The following TYW1 variants were observed in gnomAD, a reference collection of about 807,000 sequenced individuals.
TYW1 encodes tRNA-yW synthesizing protein 1 homolog.
A neutral mutation model predicts 96.2 loss-of-function variants in TYW1; 46 were observed. That is an observed-to-expected ratio of 0.48 (90% CI 0.38 to 0.61). The LOEUF (loss-of-function observed/expected upper bound fraction) is 0.61, where lower values mean the gene tolerates loss of function less well. Ranked by LOEUF, TYW1 falls within the 20% of genes least tolerant of loss-of-function variation. The probability of loss-of-function intolerance (pLI) is 0.00; values close to 1 mark genes in which losing one functional copy is unlikely to be tolerated. For missense variants in TYW1, 684 were observed against 909.6 expected, an observed-to-expected ratio of 0.75 and a Z score of 3.19; for synonymous variants, 274 against 323.0, an observed-to-expected ratio of 0.85 and a Z score of 1.63.
At position 67,129,052 on chromosome 7, in the gene TYW1, T is replaced by G. The variant is rs1396677306; in HGVS notation, c.1698+11434T>G. On this transcript the variant is annotated intron_variant, in intron 13 of 15. Transcript: ENST00000359626. ...GTGAACTTCACAAATACTTCTCAGT[T>G]TTTTCTTCCCCCTTGGGACAGGTTG... Among the ~76,000 whole-genome samples the G allele has an allele frequency of 3.3e-5, 5 of 152,094 alleles. No homozygotes were observed. In the East Asian group the frequency reaches 9.6e-4, roughly 29 times the overall value.
rs1188054051 is a variant in TYW1 at position 67,017,895 on chromosome 7, C to T, written c.613C>T (p.His205Tyr). 2.3e-5 allele frequency: 37 copies of T among 1,613,932 alleles called. No individual in the cohort carries two copies. Among genetic ancestry groups the T allele is most frequent in the Non-Finnish European group, 3.1e-5 (36 of 1,179,986 alleles). The change falls in exon 6 of 16, where the codon CAT becomes TAT. Residue 205 changes from histidine (H) to tyrosine (Y), a missense_variant. Coordinates refer to ENST00000359626, the MANE Select transcript of TYW1 (RefSeq NM_018264.4). ...VDKWLWMLGA[H>Y]RVMSRGEGDC... ...CAAGTGGCTCTGGATGCTTGGCGCG[C>T]ATCGTGTGATGAGTCGAGGGGAGGG...
intron 12 of TYW1, among the ~76,000 whole-genome samples, chr7:67,106,001 G>A (rs1797228428): frequency 6.8e-6 from 1 of 147,276 alleles, no homozygotes; most frequent in Admixed American, 7.0e-5. Context: ...GGGTTCAAGT[G>A]ATTCTCCTGC....
intron 15 of TYW1, among the ~76,000 whole-genome samples, chr7:67,210,607 A>C (rs180977591): frequency 8.5e-5 from 13 of 152,094 alleles, no homozygotes; most frequent in Non-Finnish European, 1.6e-4. Flanking sequence ...TTATTAACGT[A>C]TTCAGTCATA....
At chr7:67,203,334 T>A (rs977708525) in intron 15 of TYW1, among the ~76,000 whole-genome samples, 7 of 152,246 alleles carry the variant, frequency 4.6e-5, no homozygotes. Context: ...ATATTTGAAG[T>A]GTTTCTTATA....
Position 67,198,869 on chromosome 7 carries a change from G to T in TYW1, c.1977+3532G>T, listed in dbSNP as rs75589276. 5.3e-3 allele frequency among the ~76,000 whole-genome samples: 804 copies of T among 152,216 alleles called. 5 individuals carry two copies. Among genetic ancestry groups the T allele is most frequent in the African/African-American group, 0.019 (769 of 41,528 alleles). The stretch of plus-strand genomic sequence containing the variant: ...CTTTTATGATGTTGCTATTTTAAAA[G>T]AATACAGTTCCCCCCTTCCCTTTCT... On this transcript the variant is annotated intron_variant, in intron 15 of 15. Transcript: ENST00000359626.
chr7:67,010,150 T>A (rs888280529), intron 4 of TYW1, among the ~76,000 whole-genome samples: 2 of 151,644 alleles, frequency 1.3e-5, no homozygotes, highest in African/African-American at 4.8e-5. Context: ...GCCCAGCTAA[T>A]TTTTTTTGTG....
At chr7:67,113,661 T>C (rs1275317492) in intron 12 of TYW1, among the ~76,000 whole-genome samples, 1 of 143,234 alleles carries the variant, frequency 7.0e-6, no homozygotes, top group Non-Finnish European at 1.5e-5. Context: ...TTTTTTGATG[T>C]GGAGTCTTGC....
intron 13 of TYW1, among the ~76,000 whole-genome samples, chr7:67,155,630 C>T (rs899552599): frequency 2.9e-4 from 44 of 152,074 alleles, no homozygotes; most frequent in Non-Finnish European, 7.4e-5. Flanking sequence ...TCAATATCAG[C>T]TCACTGCAGA....
Position 67,009,551 on chromosome 7 carries a change from A to G in TYW1, c.274-32A>G, listed in dbSNP as rs1342197379. The G allele has an allele frequency of 2.5e-6, 4 of 1,597,534 alleles. No homozygotes were observed. In the African/African-American group the frequency reaches 4.0e-5, roughly 16 times the overall value. The stretch of plus-strand genomic sequence containing the variant: ...GAGGGTTATATTTGGCTCATTGAAG[A>G]CTTTATTTGATGTTTTTTTTGGTCC... On this transcript the variant is annotated intron_variant, in intron 3 of 15. Transcript: ENST00000359626.
intron 13 of TYW1, among the ~76,000 whole-genome samples, chr7:67,153,663 C>T (rs551646343): frequency 5.9e-5 from 9 of 152,264 alleles, no homozygotes; most frequent in Admixed American, 1.3e-4. Context: ...ATTTCCTTCC[C>T]GCTTAAGTTT....
intron 12 of TYW1, among the ~76,000 whole-genome samples, chr7:67,101,494 G>A (rs1193685500): frequency 2.0e-5 from 3 of 151,978 alleles, no homozygotes; most frequent in Non-Finnish European, 2.9e-5. Context: ...ACATACATTC[G>A]CACACGCAGT....
At chr7:67,054,413 A>G (rs2115582071) in intron 8 of TYW1, among the ~76,000 whole-genome samples, 1 of 152,374 alleles carries the variant, frequency 6.6e-6, no homozygotes, top group East Asian at 1.9e-4. Context: ...GAGAAGAACT[A>G]GAATTTCCTC....
chr7:67,069,333 A>G (rs1195563274), intron 10 of TYW1, among the ~76,000 whole-genome samples: 2 of 152,188 alleles, frequency 1.3e-5, no homozygotes, highest in Non-Finnish European at 2.9e-5. Flanking sequence ...CCTTTATGTC[A>G]TTGTCACAAA....
chr7:67,080,505 A>G (rs1340616206), intron 10 of TYW1, among the ~76,000 whole-genome samples: 1 of 151,822 alleles, frequency 6.6e-6, no homozygotes, highest in Non-Finnish European at 1.5e-5. Flanking sequence ...TCTCAGGTTC[A>G]AGCAATTCTT....
At chr7:67,072,547 C>T (rs1796060517) in intron 10 of TYW1, among the ~76,000 whole-genome samples, 2 of 151,828 alleles carry the variant, frequency 1.3e-5, no homozygotes, top group African/African-American at 2.4e-5. Context: ...GCGCCTGACC[C>T]CTCTCTACCC....
At chr7:67,056,079 A>G (rs1795505679) in intron 9 of TYW1, among the ~76,000 whole-genome samples, 192 bp downstream of exon 9, 1 of 152,240 alleles carries the variant, frequency 6.6e-6, no homozygotes, top group Admixed American at 6.5e-5. Context: ...CAATTAAGAT[A>G]TAAGTTATTA....
intron 15 of TYW1, among the ~76,000 whole-genome samples, chr7:67,237,781 T>G (rs564029364): frequency 4.5e-4 from 68 of 152,306 alleles, no homozygotes; most frequent in African/African-American, 1.4e-3. Context: ...TTTTCAGGCT[T>G]TCCACTAATG....
chr7:67,109,677 T>A (rs189467905), intron 12 of TYW1, among the ~76,000 whole-genome samples: 2 of 152,064 alleles, frequency 1.3e-5, no homozygotes, highest in Non-Finnish European at 2.9e-5. Flanking sequence ...GGTCAGGAGT[T>A]CAAGACCAGC....
intron 10 of TYW1, among the ~76,000 whole-genome samples, chr7:67,080,706 G>A (rs1490182632): frequency 6.6e-6 from 1 of 151,982 alleles, no homozygotes; most frequent in Non-Finnish European, 1.5e-5. Context: ...GCTGCTTTTG[G>A]TTTTGGTTTG....
Sources: gnomAD v4.1 joint callset for allele counts (sites outside exome capture counted in the v4.1 genomes callset) on GRCh38, gnomAD v4.1.1 for gene constraint, MANE v1.5 for transcripts, NCBI Gene and HGNC (gene_info 2026-07-23, HGNC 2026-07-21) for gene names.